The following ZNF444 variants were observed in gnomAD, a reference collection of about 807,000 sequenced individuals.
ZNF444 encodes the protein zinc finger protein 444, also known as endothelial zinc finger protein 2.
ZNF444 carries 8 observed loss-of-function variants against 14.4 expected under a neutral mutation model. The ratio of observed to expected loss-of-function variants is 0.56; its 90% CI spans 0.33 to 1.00. The LOEUF is 1.00. Among genes scored for constraint, ZNF444 ranks in the 50% least tolerant of loss-of-function variants. The pLI is 0.03. For synonymous variants in ZNF444, 258 were observed against 235.9 expected, an observed-to-expected ratio of 1.09 and a Z score of -0.86; for missense variants, 510 against 504.8, an observed-to-expected ratio of 1.01 and a Z score of -0.10.
chr19:56,137,297 C>T (rs1308838896), upstream of ZNF444, among the ~76,000 whole-genome samples: 13 of 151,300 alleles, frequency 8.6e-5, no homozygotes, highest in Admixed American at 8.6e-4. Flanking sequence ...ATGGCAAAAC[C>T]CCGTCTCTAT....
At chr19:56,134,147 C>T (rs372891708) in intron 1 of ZNF444, among the ~76,000 whole-genome samples, 3 of 152,116 alleles carry the variant, frequency 2.0e-5, no homozygotes, top group Admixed American at 6.6e-5. Context: ...AAACCCAACC[C>T]GAGCCTCCAG....
chr19:56,139,303 C>G (rs1424075629), upstream of ZNF444, among the ~76,000 whole-genome samples: 1 of 151,974 alleles, frequency 6.6e-6, no homozygotes, highest in Non-Finnish European at 1.5e-5. Flanking sequence ...AGGTGGTAGC[C>G]ATAGACGGGA....
chr19:56,142,639 C>A (rs931311508), intron 1 of ZNF444, among the ~76,000 whole-genome samples: 1 of 152,132 alleles, frequency 6.6e-6, no homozygotes, highest in African/African-American at 2.4e-5. Flanking sequence ...GAGCACTTAG[C>A]CTTTGGAGGC....
chr19:56,144,834 T>G lies in ZNF444; in HGVS notation c.-196-1413T>G, dbSNP rs1025255977. 2.6e-5 allele frequency among the ~76,000 whole-genome samples: 4 copies of G among 152,250 alleles called. No individual in the cohort carries two copies. Among genetic ancestry groups the G allele is most frequent in the Non-Finnish European group, 5.9e-5 (4 of 68,044 alleles). On this transcript the variant is annotated intron_variant, in intron 1 of 4. Transcript: ENST00000337080. The surrounding 1 kb of genome is among the most constrained non-coding windows in gnomAD (Gnocchi z 4.0). Reference sequence around the variant, plus strand: ...CAGAACTGATTCTTTTCTCCCATAATACTCCAGAGGTGTTCTGGGGCGGGC... The same window carrying G: ...CAGAACTGATTCTTTTCTCCCATAAGACTCCAGAGGTGTTCTGGGGCGGGC...
intron 1 of ZNF444, among the ~76,000 whole-genome samples, chr19:56,143,974 G>T (rs2031003287): frequency 6.6e-6 from 1 of 152,094 alleles, no homozygotes; most frequent in African/African-American, 2.4e-5. Context: ...CACAGGTGCA[G>T]AGGCCCTGTG....
intron 1 of ZNF444, among the ~76,000 whole-genome samples, chr19:56,133,486 C>T (rs2030537851): frequency 6.6e-6 from 1 of 152,100 alleles, no homozygotes; most frequent in African/African-American, 2.4e-5. Flanking sequence ...TACACCTGCT[C>T]CACTGAGCCT....
At position 56,146,955 on chromosome 19, in the gene ZNF444, C is replaced by T. The variant is rs1023916430; in HGVS notation, c.44C>T (p.Ala15Val). 1 of 1,446,658 alleles carries T rather than the reference C, an allele frequency of 6.9e-7. No homozygotes were observed. Among genetic ancestry groups the T allele is most frequent in the Non-Finnish European group, 9.0e-7 (1 of 1,109,812 alleles). 89.6% of individuals were successfully genotyped at this position (1,446,658 alleles called of 1,614,324 possible). Residue 15 changes from alanine (A) to valine (V), a missense_variant, in exon 3 of 5, where the codon GCG becomes GTG. By Grantham distance (64) the Ala-to-Val change is moderately conservative (BLOSUM62 0). Coordinates refer to ENST00000337080, the MANE Select transcript of ZNF444 (RefSeq NM_018337.4). ...GTGAAGCAGGAGGCCGAGGGCCTGG[C>T]GCTGGACTCCCCGTGGCACCGCTTC... ...VPVKQEAEGL[A>V]LDSPWHRFRR...
chr19:56,158,786 TCATC>T (rs368658622), intron 4 of ZNF444, among the ~76,000 whole-genome samples, 184 bp downstream of exon 4: 4 of 151,940 alleles, frequency 2.6e-5, no homozygotes, highest in African/African-American at 7.3e-5. Flanking sequence ...GGTTGGAGGT[TCATC>T]CATCCATCTA....
intron 1 of ZNF444, among the ~76,000 whole-genome samples, chr19:56,142,861 C>T (rs965581255): frequency 6.6e-5 from 10 of 152,152 alleles, no homozygotes; most frequent in Admixed American, 1.3e-4. Flanking sequence ...GTGCTGGTGC[C>T]GGGGTACTAG....
At chr19:56,135,965 C>T (rs1457516525) in intron 1 of ZNF444, among the ~76,000 whole-genome samples, 1 of 151,012 alleles carries the variant, frequency 6.6e-6, no homozygotes, top group Non-Finnish European at 1.5e-5. Context: ...GCCTGTAATC[C>T]CAGCCACTTG....
intron 3 of ZNF444, chr19:56,154,443 A>C (rs1372172801): frequency 6.6e-6 from 1 of 152,288 alleles, no homozygotes; most frequent in Non-Finnish European, 1.5e-5. Flanking sequence ...CTGGGATTAC[A>C]GGTGCATGTC....
At position 56,157,121 on chromosome 19, in the gene ZNF444, G is replaced by A. The variant is rs1159880281; in HGVS notation, c.298-1373G>A. 3 of 152,528 alleles carry A rather than the reference G, an allele frequency of 2.0e-5. No homozygotes were observed. In the East Asian group the frequency reaches 5.8e-4, roughly 29 times the overall value. The allele number at this position is 152,528 out of a possible 1,614,324, so 9.4% of individuals were successfully genotyped here. A position where few individuals can be genotyped will look rare whatever the true frequency, so the allele number is the denominator to read the frequency against. On this transcript the variant is annotated intron_variant, in intron 3 of 4. Coordinates refer to ENST00000337080, the MANE Select transcript of ZNF444 (RefSeq NM_018337.4). ...TCATGGGAGCCCCGCCAAGGGCCAA[G>A]GAGCTGGAGGGTGGTCCAGGGTGGT...
chr19:56,139,555 G>A (rs983730908), upstream of ZNF444, among the ~76,000 whole-genome samples: 2 of 152,078 alleles, frequency 1.3e-5, no homozygotes, highest in Non-Finnish European at 2.9e-5. Flanking sequence ...GCATGGTGGT[G>A]CACGCCTGTA....
intron 3 of ZNF444, chr19:56,155,852 A>T (rs2031874976): frequency 6.6e-6 from 1 of 152,222 alleles, no homozygotes; most frequent in Admixed American, 6.5e-5. Context: ...AGCAGACACA[A>T]GCTGGGTGTC....
intron 1 of ZNF444, among the ~76,000 whole-genome samples, chr19:56,133,201 G>T (rs1354507763): frequency 6.7e-6 from 1 of 149,552 alleles, no homozygotes; most frequent in African/African-American, 2.5e-5. Flanking sequence ...GCCTCCCAAA[G>T]TGTTGGGATT....
At chr19:56,153,762 C>T (rs4801680) in intron 3 of ZNF444, among the ~76,000 whole-genome samples, 4,860 of 152,198 alleles carry the variant, frequency 0.032, 251 homozygotes, top group Admixed American at 0.12. Flanking sequence ...CCAGCCAGTA[C>T]CTGGTTAGCT....
In ZNF444 at chr19:56,144,836, C is replaced by T. The variant is rs1328528557; in HGVS notation, c.-196-1411C>T. The stretch of plus-strand genomic sequence containing the variant: ...GAACTGATTCTTTTCTCCCATAATA[C>T]TCCAGAGGTGTTCTGGGGCGGGCTG... On this transcript the variant is annotated intron_variant, in intron 1 of 4. Coordinates refer to ENST00000337080, the MANE Select transcript of ZNF444 (RefSeq NM_018337.4). This position sits in a 1 kb window ranked among gnomAD's most constrained non-coding sequence, Gnocchi z 4.0. 2.0e-5 allele frequency among the ~76,000 whole-genome samples: 3 copies of T among 152,260 alleles called. No individual in the cohort carries two copies. Among genetic ancestry groups the T allele is most frequent in the African/African-American group, 7.2e-5 (3 of 41,470 alleles).
At chr19:56,151,934 TC>T (rs2031606085) in intron 3 of ZNF444, 1 of 456,738 alleles carries the variant, frequency 2.2e-6, no homozygotes, top group Admixed American at 2.4e-5. Flanking sequence ...TCCTCGCCTG[TC>T]CTCAGAGTTT....
chr19:56,138,758 T>C (rs2030668017), upstream of ZNF444, among the ~76,000 whole-genome samples: 1 of 148,046 alleles, frequency 6.8e-6, no homozygotes, highest in African/African-American at 2.5e-5. Flanking sequence ...ATTCGGGAAA[T>C]GGACAGTAGT....
Sources: allele counts gnomAD v4.1 joint callset (sites outside exome capture counted in the v4.1 genomes callset), GRCh38; gene constraint gnomAD v4.1.1; non-coding constraint Gnocchi (gnomAD v3.1); transcripts MANE v1.5; gene names NCBI Gene and HGNC (gene_info 2026-07-23, HGNC 2026-07-21).